CDK19: variants seen among roughly 807,000 people sequenced by gnomAD.
CDK19 encodes cyclin dependent kinase 19, also known as cyclin-dependent kinase 19.
CDK19 carries 20 observed loss-of-function variants against 68.3 expected under a neutral mutation model. The ratio of observed to expected loss-of-function variants is 0.29; its 90% CI spans 0.21 to 0.43. CDK19 has a LOEUF of 0.43. Ranked by LOEUF, CDK19 falls within the 20% of genes least tolerant of loss-of-function variation. The pLI is 1.00. For missense variants in CDK19, 339 were observed against 623.5 expected, an observed-to-expected ratio of 0.54 and a Z score of 4.86; for synonymous variants, 221 against 222.8, an observed-to-expected ratio of 0.99 and a Z score of 0.07.
At chr6:110,677,417 T>A (rs889356758) in intron 2 of CDK19, among the ~76,000 whole-genome samples, 1 of 151,468 alleles carries the variant, frequency 6.6e-6, no homozygotes, top group African/African-American at 2.4e-5. Flanking sequence ...CAAAAAAAAA[T>A]TAGCTGGGCG....
intron 6 of CDK19, among the ~76,000 whole-genome samples, chr6:110,631,514 C>T (rs1164372300): frequency 6.6e-6 from 1 of 152,184 alleles, no homozygotes; most frequent in Non-Finnish European, 1.5e-5. Context: ...CTGAGCACAG[C>T]TAATCTACCC....
At chr6:110,724,974 C>A (rs995912956) in intron 2 of CDK19, among the ~76,000 whole-genome samples, 1 of 152,092 alleles carries the variant, frequency 6.6e-6, no homozygotes, top group Admixed American at 6.6e-5. Context: ...GAAATGAATA[C>A]AACCAAGTAA....
At chr6:110,725,563 A>G (rs1384125033) in intron 2 of CDK19, among the ~76,000 whole-genome samples, 4 of 152,182 alleles carry the variant, frequency 2.6e-5, no homozygotes, top group African/African-American at 9.6e-5. Flanking sequence ...GCAGAGAGAG[A>G]GAGAGAGAAA....
chr6:110,630,481 G>GA, intron 6 of CDK19, among the ~76,000 whole-genome samples: 1 of 152,258 alleles, frequency 6.6e-6, no homozygotes, highest in South Asian at 2.1e-4. Context: ...AGTGGGTAAG[G>GA]AGAGACCTAA....
intron 2 of CDK19, among the ~76,000 whole-genome samples, chr6:110,726,263 TA>T (rs1442942879): frequency 6.6e-6 from 1 of 152,208 alleles, no homozygotes; most frequent in Non-Finnish European, 1.5e-5. Flanking sequence ...CTTTAGGAGA[TA>T]ATTAGCAAAG....
chr6:110,799,096 T>C (rs1185086280), intron 1 of CDK19, among the ~76,000 whole-genome samples: 1 of 134,750 alleles, frequency 7.4e-6, no homozygotes, highest in Non-Finnish European at 1.5e-5. Flanking sequence ...TGAGCTGTGA[T>C]CATGCCACTG....
rs538666795 is a variant in CDK19, at chr6:110,671,898, C to G, written c.205-1357G>C. Among the ~76,000 whole-genome samples, 77 of 152,284 alleles carry G rather than the reference C, an allele frequency of 5.1e-4. No homozygotes were observed. In the South Asian group the frequency reaches 0.015, roughly 30 times the overall value. ...GTTCAAGCAATTCTCCTGCCTCAAC[C>G]TCCTGAGTAGCTGGGATTACAGGTA... On this transcript the variant is annotated intron_variant, in intron 2 of 12. Coordinates refer to ENST00000368911, the MANE Select transcript of CDK19 (RefSeq NM_015076.5).
chr6:110,814,394 G>A (rs1783395910), intron 1 of CDK19, among the ~76,000 whole-genome samples: 1 of 152,234 alleles, frequency 6.6e-6, no homozygotes, highest in African/African-American at 2.4e-5. Flanking sequence ...TGAGAAACCC[G>A]GGACGCCGGG....
chr6:110,690,256 T>TA (rs1772866108), intron 2 of CDK19, among the ~76,000 whole-genome samples: 1 of 151,944 alleles, frequency 6.6e-6, no homozygotes, highest in African/African-American at 2.4e-5. Flanking sequence ...GCATAAGAGG[T>TA]AGAGTCACAA....
In CDK19 at chr6:110,614,772, G is replaced by T. The variant is rs191177230; in HGVS notation, c.1378-106C>A. 934 of 1,139,710 alleles carry T rather than the reference G, an allele frequency of 8.2e-4. 2 individuals carry two copies. Among genetic ancestry groups the T allele is most frequent in the Non-Finnish European group, 5.3e-4 (420 of 792,248 alleles). 70.6% of individuals were successfully genotyped at this position (1,139,710 alleles called of 1,614,324 possible). ...TATAAGCCGTTTTCATTAGGTTCCT[G>T]GTTCAGACACACATAGCTGACAGCT... On this transcript the variant is annotated intron_variant, in intron 12 of 12. Coordinates refer to ENST00000368911, the MANE Select transcript of CDK19 (RefSeq NM_015076.5).
chr6:110,647,162 G>A (rs1353411638), intron 4 of CDK19, among the ~76,000 whole-genome samples: 5 of 152,172 alleles, frequency 3.3e-5, no homozygotes, highest in Admixed American at 6.5e-5. Flanking sequence ...GTGGTGGTAC[G>A]AGGTAGCGCA....
At chr6:110,694,013 C>A (rs894742710) in intron 2 of CDK19, among the ~76,000 whole-genome samples, 3 of 150,018 alleles carry the variant, frequency 2.0e-5, no homozygotes, top group African/African-American at 7.4e-5. Context: ...CCTCAAAATA[C>A]ACCAAAATAG....
At chr6:110,659,730 AGAAGG>A (rs2114345144) in intron 4 of CDK19, among the ~76,000 whole-genome samples, 1 of 152,284 alleles carries the variant, frequency 6.6e-6, no homozygotes. Flanking sequence ...GGGGAAGAAG[AGAAGG>A]GGAGAGGAGA....
At chr6:110,641,121 T>C (rs570925059) in intron 4 of CDK19, among the ~76,000 whole-genome samples, 2 of 152,002 alleles carry the variant, frequency 1.3e-5, no homozygotes, top group South Asian at 2.1e-4. Flanking sequence ...AAGAAAAAGA[T>C]TGGTTCACCA....
intron 4 of CDK19, 60 bp downstream of exon 4, chr6:110,667,374 A>C: frequency 8.9e-7 from 1 of 1,127,124 alleles, no homozygotes; most frequent in Non-Finnish European, 1.3e-6. Flanking sequence ...CAAGAAGAAA[A>C]TATATTTTTT....
In CDK19 at chr6:110,646,196, C is replaced by T. The variant is rs1026040220; in HGVS notation, c.457-7490G>A. 9 of 1,336,024 alleles carry T rather than the reference C, an allele frequency of 6.7e-6. No individual in the cohort carries two copies. The South Asian group carries it at 1.1e-4, about 16-fold the overall frequency. The allele number at this position is 1,336,024 out of a possible 1,614,324, so 82.8% of individuals were successfully genotyped here. On this transcript the variant is annotated intron_variant, in intron 4 of 12. Transcript: ENST00000368911. ...GCCACCAGAGCCTGTTCCTCCGCAT[C>T]CTCAGCAACTCGTCGGGGTCCGACG...
chr6:110,688,305 G>A (rs1772667022), intron 2 of CDK19, among the ~76,000 whole-genome samples: 1 of 151,828 alleles, frequency 6.6e-6, no homozygotes. Flanking sequence ...CTGGGCAACA[G>A]AGCAAGACTC....
chr6:110,764,895 G>A (rs1779465944), intron 1 of CDK19, among the ~76,000 whole-genome samples: 1 of 151,218 alleles, frequency 6.6e-6, no homozygotes, highest in Non-Finnish European at 1.5e-5. Flanking sequence ...AGGTTGCAGT[G>A]AGCCAAGATC....
At chr6:110,652,836 A>T (rs961159839) in intron 4 of CDK19, among the ~76,000 whole-genome samples, 1 of 152,212 alleles carries the variant, frequency 6.6e-6, no homozygotes, top group Non-Finnish European at 1.5e-5. Context: ...CTTGAAGCCT[A>T]TGGAAGCTCT....
Sources: gnomAD v4.1 joint callset for allele counts (sites outside exome capture counted in the v4.1 genomes callset) on GRCh38, gnomAD v4.1.1 for gene constraint, MANE v1.5 for transcripts, NCBI Gene and HGNC (gene_info 2026-07-23, HGNC 2026-07-21) for gene names.